Variants in SND1 observed in about 807,000 individuals in gnomAD.
SND1 encodes the protein staphylococcal nuclease and tudor domain containing 1, also known as staphylococcal nuclease domain-containing protein 1.
In SND1, 38 loss-of-function variants were observed where a neutral mutation model predicts 121.7. The observed-to-expected ratio is 0.31, with a 90% confidence interval of 0.24 to 0.41. SND1 has a LOEUF of 0.41. Ranked by LOEUF, SND1 falls within the 10% of genes least tolerant of loss-of-function variation. SND1 has a pLI of 1.00. For missense variants in SND1, 868 were observed against 1,184.6 expected, an observed-to-expected ratio of 0.73 and a Z score of 3.92; for synonymous variants, 401 against 447.4, an observed-to-expected ratio of 0.90 and a Z score of 1.31.
intron 2 of SND1, among the ~76,000 whole-genome samples, chr7:127,692,819 T>A (rs1795944966): frequency 6.6e-6 from 1 of 152,226 alleles, no homozygotes; most frequent in Non-Finnish European, 1.5e-5. Context: ...TTTCTCTTAT[T>A]GACCGGTAAC....
chr7:127,994,060 G>A (rs1319259201), intron 16 of SND1, among the ~76,000 whole-genome samples: 1 of 152,204 alleles, frequency 6.6e-6, no homozygotes, highest in East Asian at 1.9e-4. Context: ...GGCTTTTGGT[G>A]GGCCGTGCAG....
rs1482312165 is a variant in SND1, at chr7:127,954,011, T to TAA, written c.1669+24684_1669+24685dup. ...TAGATTTGGGAAATTGAATTGGCTT[T>TAA]AAATATATATATATTTGCTATCTTA... On this transcript the variant is annotated intron_variant, in intron 15 of 23. Transcript: ENST00000354725. 4.6e-5 allele frequency among the ~76,000 whole-genome samples: 7 copies of TAA among 152,208 alleles called. 1 individual carries two copies. The highest frequency in any genetic ancestry group is 3.3e-4 in the Admixed American group (5 of 15,280).
intron 15 of SND1, among the ~76,000 whole-genome samples, chr7:127,946,494 G>A (rs1801333672): frequency 6.6e-6 from 1 of 152,200 alleles, no homozygotes; most frequent in South Asian, 2.1e-4. Context: ...CAAGTTAGAG[G>A]AATAGAATAT....
rs1037813054 is a variant in SND1, at chr7:127,828,337, G to GAT, written c.1243-15976_1243-15975dup. Among the ~76,000 whole-genome samples the GAT allele has an allele frequency of 2.8e-4, 42 of 151,704 alleles. 1 individual carries two copies. Among genetic ancestry groups the GAT allele is most frequent in the East Asian group, 5.8e-4 (3 of 5,152 alleles). ...ATTTCCTATACCTTCTGGTTGTTCTGATATATATATATCAGAATATATATA... is the reference window on the plus strand; with the variant it reads ...ATTTCCTATACCTTCTGGTTGTTCTGATATATATATATATCAGAATATATATA... On this transcript the variant is annotated intron_variant, in intron 11 of 23. Transcript: ENST00000354725.
At chr7:127,738,941 T>G (rs1796828303) in intron 10 of SND1, among the ~76,000 whole-genome samples, 1 of 152,168 alleles carries the variant, frequency 6.6e-6, no homozygotes, top group Non-Finnish European at 1.5e-5. Flanking sequence ...TACGAGCCAG[T>G]AGAGGGCTTT....
intron 13 of SND1, among the ~76,000 whole-genome samples, chr7:127,896,001 G>A (rs1370326809): frequency 3.3e-5 from 5 of 152,106 alleles, no homozygotes; most frequent in Non-Finnish European, 7.4e-5. Context: ...GTCTTGACTA[G>A]CAAGCCGTGG....
intron 2 of SND1, among the ~76,000 whole-genome samples, chr7:127,691,534 C>T (rs1795915186): frequency 6.6e-6 from 1 of 151,886 alleles, no homozygotes; most frequent in South Asian, 2.1e-4. Context: ...CAGAGCGAGA[C>T]TCCGTCTCAA....
intron 16 of SND1, among the ~76,000 whole-genome samples, chr7:128,024,567 C>T (rs1057458070): frequency 6.6e-6 from 1 of 152,202 alleles, no homozygotes; most frequent in African/African-American, 2.4e-5. Context: ...CTCTGACCCT[C>T]TTCTCAGACA....
chr7:128,061,536 C>T (rs1434496209), intron 16 of SND1, among the ~76,000 whole-genome samples: 3 of 152,188 alleles, frequency 2.0e-5, no homozygotes, highest in African/African-American at 7.2e-5. Context: ...TCATTGTGAC[C>T]TATACGTTTC....
intron 14 of SND1, among the ~76,000 whole-genome samples, chr7:127,909,907 G>A (rs1171454222): frequency 6.6e-6 from 1 of 152,166 alleles, no homozygotes; most frequent in Non-Finnish European, 1.5e-5. Flanking sequence ...CTTTAAAACA[G>A]TTAGATAAGA....
chr7:127,799,384 A>G (rs948660923), intron 10 of SND1, among the ~76,000 whole-genome samples: 9 of 152,224 alleles, frequency 5.9e-5, no homozygotes, highest in Non-Finnish European at 1.3e-4. Flanking sequence ...TAGGACTGCT[A>G]TCAGCATTAA....
chr7:128,026,684 C>G (rs1803487209), intron 16 of SND1, among the ~76,000 whole-genome samples: 1 of 152,196 alleles, frequency 6.6e-6, no homozygotes, highest in Non-Finnish European at 1.5e-5. Context: ...TCCAGGTCCC[C>G]CAGGTTCCTC....
intron 10 of SND1, among the ~76,000 whole-genome samples, chr7:127,788,190 C>T (rs1797846359): frequency 6.6e-6 from 1 of 152,014 alleles, no homozygotes; most frequent in African/African-American, 2.4e-5. Context: ...TTTTTTTAAA[C>T]AGAGAAGGAA....
intron 10 of SND1, among the ~76,000 whole-genome samples, chr7:127,731,106 C>T (rs1796667525): frequency 6.6e-6 from 1 of 152,226 alleles, no homozygotes; most frequent in Non-Finnish European, 1.5e-5. Context: ...CCAGGGCTCC[C>T]CTTCCAGCCT....
chr7:127,693,713 A>T (rs1245336192), intron 2 of SND1, among the ~76,000 whole-genome samples: 1 of 152,202 alleles, frequency 6.6e-6, no homozygotes, highest in Non-Finnish European at 1.5e-5. Flanking sequence ...TGCATATTGT[A>T]TATCACTTTT....
At chr7:127,973,195 T>C (rs1374674751) in intron 15 of SND1, among the ~76,000 whole-genome samples, 2 of 152,202 alleles carry the variant, frequency 1.3e-5, no homozygotes, top group Admixed American at 6.5e-5. Flanking sequence ...TTCTGGCTTG[T>C]TAATAACACA....
At position 128,074,672 on chromosome 7, in the gene SND1, A is replaced by T. The variant is rs750264990; in HGVS notation, c.1950A>T (p.Ala650=). The T allele has an allele frequency of 6.2e-7, 1 of 1,611,654 alleles. No individual in the cohort carries two copies. Among genetic ancestry groups the T allele is most frequent in the Middle Eastern group, 1.7e-4 (1 of 6,054 alleles). ...YKSLLSAEEA[A]KQKKEKVWAH... is the part of the protein sequence containing the mutation. The stretch of plus-strand genomic sequence containing the variant: ...CCCTGCTGTCTGCCGAGGAGGCCGC[A>T]AAGCAGAAGAAAGAGAAGGTACATG... Residue 650 remains alanine, a synonymous_variant, in exon 17 of 24, where the codon GCA becomes GCT. Coordinates refer to ENST00000354725, the MANE Select transcript of SND1 (RefSeq NM_014390.4).
chr7:127,691,012 G>T (rs572435786), intron 2 of SND1, among the ~76,000 whole-genome samples: 2 of 152,108 alleles, frequency 1.3e-5, no homozygotes, highest in African/African-American at 4.8e-5. Context: ...AATCCCCAGC[G>T]TTGCCTAGCT....
At chr7:127,753,323 G>A (rs1476781708) in intron 10 of SND1, among the ~76,000 whole-genome samples, 1 of 152,160 alleles carries the variant, frequency 6.6e-6, no homozygotes, top group African/African-American at 2.4e-5. Context: ...AGGAAACAGT[G>A]TACTTTTATG....
Sources: gnomAD v4.1 joint callset for allele counts (sites outside exome capture counted in the v4.1 genomes callset) on GRCh38, gnomAD v4.1.1 for gene constraint, MANE v1.5 for transcripts, NCBI Gene and HGNC (gene_info 2026-07-23, HGNC 2026-07-21) for gene names.